The following SORCS1 variants were observed in gnomAD, a reference collection of about 807,000 sequenced individuals.
SORCS1 encodes VPS10 domain-containing receptor SorCS1.
A neutral mutation model predicts 146.1 loss-of-function variants in SORCS1; 60 were observed. That is an observed-to-expected ratio of 0.41 (90% CI 0.33 to 0.51). The LOEUF (loss-of-function observed/expected upper bound fraction) is 0.51, where lower values mean the gene tolerates loss of function less well. Ranked by LOEUF, SORCS1 falls within the 20% of genes least tolerant of loss-of-function variation. SORCS1 has a pLI of 0.21. For missense variants in SORCS1, 1,352 were observed against 1,487.6 expected, an observed-to-expected ratio of 0.91 and a Z score of 1.50; for synonymous variants, 637 against 584.0, an observed-to-expected ratio of 1.09 and a Z score of -1.31.
intron 5 of SORCS1, 44 bp downstream of exon 5, chr10:106,761,544 A>C: frequency 6.5e-7 from 1 of 1,545,206 alleles, no homozygotes; most frequent in Non-Finnish European, 8.9e-7. Context: ...GTCATATCTG[A>C]CTAGGTCATA....
At chr10:106,709,020 A>T (rs1854749013) in intron 7 of SORCS1, among the ~76,000 whole-genome samples, 1 of 152,120 alleles carries the variant, frequency 6.6e-6, no homozygotes, top group Non-Finnish European at 1.5e-5. Context: ...GAAATTCATG[A>T]CTAGTCTGTT....
chr10:107,000,771 T>C (rs1957184639), intron 1 of SORCS1, among the ~76,000 whole-genome samples: 1 of 152,166 alleles, frequency 6.6e-6, no homozygotes, highest in East Asian at 1.9e-4. Flanking sequence ...TAAGATACTC[T>C]TCAACATATG....
At chr10:106,741,705 A>G (rs1399824917) in intron 5 of SORCS1, among the ~76,000 whole-genome samples, 1 of 152,202 alleles carries the variant, frequency 6.6e-6, no homozygotes, top group East Asian at 1.9e-4. Flanking sequence ...ATTGGCATAC[A>G]TGAGCCTAGA....
intron 1 of SORCS1, among the ~76,000 whole-genome samples, chr10:107,138,539 C>G (rs1967535716): frequency 6.6e-6 from 1 of 152,176 alleles, no homozygotes; most frequent in South Asian, 2.1e-4. Context: ...TTTACCCATT[C>G]TTCGTCTAAG....
intron 1 of SORCS1, among the ~76,000 whole-genome samples, chr10:107,146,899 C>T (rs917657843): frequency 1.3e-5 from 2 of 152,074 alleles, no homozygotes; most frequent in African/African-American, 2.4e-5. Flanking sequence ...ATTCCTTGTA[C>T]TCATGTCTAG....
intron 2 of SORCS1, among the ~76,000 whole-genome samples, chr10:106,947,903 A>G (rs1954438898): frequency 6.6e-6 from 1 of 152,164 alleles, no homozygotes; most frequent in African/African-American, 2.4e-5. Flanking sequence ...GGTTGTTAAA[A>G]GGATAAAAGA....
intron 6 of SORCS1, among the ~76,000 whole-genome samples, chr10:106,721,487 A>G (rs1170729318): frequency 6.6e-6 from 1 of 152,198 alleles, no homozygotes; most frequent in Non-Finnish European, 1.5e-5. Flanking sequence ...AAACAAATAA[A>G]AATTCTCAAC....
intron 18 of SORCS1, among the ~76,000 whole-genome samples, chr10:106,638,853 G>T (rs1848881665): frequency 6.6e-6 from 1 of 152,072 alleles, no homozygotes; most frequent in South Asian, 2.1e-4. Flanking sequence ...TTGTTTATTT[G>T]GACCTCAATT....
rs1334894301 is a variant in SORCS1, at chr10:106,934,511, G to A, written c.626+22002C>T. Among the ~76,000 whole-genome samples the A allele has an allele frequency of 5.3e-5, 8 of 152,088 alleles. No homozygotes were observed. In the East Asian group the frequency reaches 1.2e-3, roughly 22 times the overall value. On this transcript the variant is annotated intron_variant, in intron 2 of 25. Transcript: ENST00000263054. Reference sequence around the variant, plus strand: ...CCTGCCCTCGTGATCCACCCGCCTTGGCCTCCCAAAGTGCTGGGATTACAG... The same window carrying A: ...CCTGCCCTCGTGATCCACCCGCCTTAGCCTCCCAAAGTGCTGGGATTACAG...
chr10:106,949,060 G>GAC (rs1954528241), intron 2 of SORCS1, among the ~76,000 whole-genome samples: 1 of 151,934 alleles, frequency 6.6e-6, no homozygotes, highest in African/African-American at 2.4e-5. Flanking sequence ...AAAGAATCTA[G>GAC]AATCCAAAAA....
intron 2 of SORCS1, among the ~76,000 whole-genome samples, chr10:106,905,114 G>T (rs1047185919): frequency 2.0e-5 from 3 of 152,014 alleles, no homozygotes; most frequent in African/African-American, 7.2e-5. Flanking sequence ...TTCTAAAATA[G>T]CAGGAGGAAG....
chr10:106,657,402 C>T (rs1317777782), intron 17 of SORCS1, among the ~76,000 whole-genome samples: 3 of 151,992 alleles, frequency 2.0e-5, no homozygotes, highest in South Asian at 2.1e-4. Context: ...GGGAGCTAAG[C>T]TATGGGTACA....
chr10:107,019,558 C>A (rs549339777), intron 1 of SORCS1, among the ~76,000 whole-genome samples: 2 of 152,294 alleles, frequency 1.3e-5, no homozygotes, highest in South Asian at 4.1e-4. Flanking sequence ...AGAGAGAGCT[C>A]ATTCACTCTG....
chr10:106,952,201 C>T (rs180961167), intron 2 of SORCS1, among the ~76,000 whole-genome samples: 8 of 152,238 alleles, frequency 5.3e-5, no homozygotes, highest in East Asian at 1.9e-4. Context: ...CTCTAGCACC[C>T]GGTTAAAGCC....
At chr10:106,871,082 C>T (rs1950391742) in intron 2 of SORCS1, among the ~76,000 whole-genome samples, 1 of 152,082 alleles carries the variant, frequency 6.6e-6, no homozygotes, top group South Asian at 2.1e-4. Flanking sequence ...ATACATGCAG[C>T]CAACAGGCAT....
chr10:106,730,349 T>C (rs988599444), intron 5 of SORCS1, among the ~76,000 whole-genome samples: 1 of 152,196 alleles, frequency 6.6e-6, no homozygotes, highest in Non-Finnish European at 1.5e-5. Flanking sequence ...AGCAAGGATG[T>C]TGCATGTTAT....
At chr10:106,835,551 T>C (rs1209896367) in intron 2 of SORCS1, among the ~76,000 whole-genome samples, 1 of 152,240 alleles carries the variant, frequency 6.6e-6, no homozygotes, top group Non-Finnish European at 1.5e-5. Context: ...TAGCATAATT[T>C]AGTCTATCAT....
the SORCS1 span, among the ~76,000 whole-genome samples, chr10:107,175,299 A>G: frequency 2.0e-5 from 3 of 152,110 alleles, no homozygotes; most frequent in African/African-American, 4.8e-5. Flanking sequence ...CCCTTTCTCT[A>G]TATTCTGGGG....
intron 1 of SORCS1, 141 bp downstream of exon 1, chr10:107,163,827 TG>T (rs1565125120): frequency 4.4e-6 from 4 of 918,364 alleles, no homozygotes; most frequent in South Asian, 1.7e-5. Context: ...TGTTAACTCT[TG>T]GGGGAAGTGG....
Sources: gnomAD v4.1 joint callset for allele counts (sites outside exome capture counted in the v4.1 genomes callset) on GRCh38, gnomAD v4.1.1 for gene constraint, MANE v1.5 for transcripts, NCBI Gene and HGNC (gene_info 2026-07-23, HGNC 2026-07-21) for gene names.